ACTR3B: variants seen among roughly 807,000 people sequenced by gnomAD.
ACTR3B encodes the protein actin-related protein 3B.
In ACTR3B, 8 loss-of-function variants were observed where a neutral mutation model predicts 59.0. That is an observed-to-expected ratio of 0.14 (90% CI 0.08 to 0.24). The LOEUF is 0.24. ACTR3B is among the 10% of genes least tolerant of loss of function. The probability of loss-of-function intolerance (pLI) is 1.00; values close to 1 mark genes in which losing one functional copy is unlikely to be tolerated. For missense variants in ACTR3B, 245 were observed against 552.3 expected (o/e 0.44, Z 5.58); for synonymous variants, 148 against 197.9 (o/e 0.75, Z 2.12).
intron 2 of ACTR3B, among the ~76,000 whole-genome samples, chr7:152,798,195 C>G (rs528270304): frequency 7.9e-5 from 12 of 152,080 alleles, no homozygotes; most frequent in Non-Finnish European, 1.5e-4. Context: ...ATCACCAACA[C>G]TTACTATCTT....
chr7:152,769,318 T>G (rs2098118649), intron 1 of ACTR3B, among the ~76,000 whole-genome samples: 1 of 152,244 alleles, frequency 6.6e-6, no homozygotes, highest in South Asian at 2.1e-4. Flanking sequence ...ATAACTTGTC[T>G]CTTCACTAGA....
Position 152,823,328 on chromosome 7 carries a change from G to A in ACTR3B, c.685-14G>A, listed in dbSNP as rs376354812. 453 of 1,611,422 alleles carry A rather than the reference G, an allele frequency of 2.8e-4. No individual in the cohort carries two copies. The African/African-American group carries it at 4.9e-3, about 18-fold the overall frequency. Reference sequence around the variant, plus strand: ...GTTGTTAATGCCTGGCAACATCTTTGTGTGTGTATGCAGGAGAAATACTGT... The same window carrying A: ...GTTGTTAATGCCTGGCAACATCTTTATGTGTGTATGCAGGAGAAATACTGT... On this transcript the variant is annotated splice_polypyrimidine_tract_variant and intron_variant, in intron 7 of 11. Coordinates refer to ENST00000256001, the MANE Select transcript of ACTR3B (RefSeq NM_020445.6).
chr7:152,819,610 G>T (rs2689602), intron 6 of ACTR3B, among the ~76,000 whole-genome samples: 2 of 152,068 alleles, frequency 1.3e-5, no homozygotes, highest in East Asian at 3.9e-4. Context: ...TCGGCCCAGG[G>T]CGTGGTCACC....
At chr7:152,807,881 A>G (rs987126350) in intron 4 of ACTR3B, among the ~76,000 whole-genome samples, 2 of 151,936 alleles carry the variant, frequency 1.3e-5, no homozygotes, top group Admixed American at 1.3e-4. Context: ...TTTTTATTCT[A>G]AAATACACAT....
At chr7:152,806,091 T>C (rs10952373) in intron 4 of ACTR3B, among the ~76,000 whole-genome samples, 67,522 of 152,130 alleles carry the variant, frequency 0.44, 17,619 homozygotes, top group East Asian at 0.72. Context: ...CTTTCTCTTC[T>C]TCTCACTGCT....
At chr7:152,852,709 A>T (rs1798912520) in intron 10 of ACTR3B, among the ~76,000 whole-genome samples, 1 of 152,196 alleles carries the variant, frequency 6.6e-6, no homozygotes. Context: ...TGGGCTTCTA[A>T]CCAAGAGTGG....
intron 1 of ACTR3B, among the ~76,000 whole-genome samples, chr7:152,760,779 TG>T (rs1225906390): frequency 6.6e-6 from 1 of 152,190 alleles, no homozygotes; most frequent in Non-Finnish European, 1.5e-5. Flanking sequence ...CCAAGTTAGC[TG>T]GTTGTAGTAA....
chr7:152,823,589 G>A, intron 8 of ACTR3B, 74 bp downstream of exon 8: 1 of 1,520,060 alleles, frequency 6.6e-7, no homozygotes, highest in Non-Finnish European at 8.9e-7. Context: ...AGAAAGAGCA[G>A]TTCCCAGCGA....
intron 4 of ACTR3B, chr7:152,811,280 C>A (rs1795211870): frequency 1.3e-5 from 2 of 148,246 alleles, no homozygotes; most frequent in Admixed American, 6.8e-5. Context: ...ATCTGTGTAT[C>A]CAGTACTGCT....
intron 9 of ACTR3B, among the ~76,000 whole-genome samples, chr7:152,833,582 G>GTGGCAC (rs2116920166): frequency 6.6e-6 from 1 of 152,308 alleles, no homozygotes; most frequent in East Asian, 1.9e-4. Context: ...TGGCTGATAG[G>GTGGCAC]TGGCACTGTG....
chr7:152,797,462 T>C (rs1212878927), intron 2 of ACTR3B, among the ~76,000 whole-genome samples: 1 of 152,214 alleles, frequency 6.6e-6, no homozygotes, highest in Non-Finnish European at 1.5e-5. Context: ...TTGAAGTATA[T>C]ATACATTGTG....
intron 6 of ACTR3B, among the ~76,000 whole-genome samples, chr7:152,819,090 G>A (rs1436547167): frequency 6.6e-6 from 1 of 152,174 alleles, no homozygotes; most frequent in Non-Finnish European, 1.5e-5. Flanking sequence ...GTATTAGAAA[G>A]CTAATATTAT....
intron 2 of ACTR3B, among the ~76,000 whole-genome samples, chr7:152,784,354 G>A (rs1323999540): frequency 6.6e-6 from 1 of 152,142 alleles, no homozygotes; most frequent in Non-Finnish European, 1.5e-5. Context: ...GTGCTTATTC[G>A]GGGAGGGCTA....
At chr7:152,832,550 CTT>C (rs1182130539) in intron 9 of ACTR3B, among the ~76,000 whole-genome samples, 1 of 152,072 alleles carries the variant, frequency 6.6e-6, no homozygotes, top group African/African-American at 2.4e-5. Flanking sequence ...CTCACGATCT[CTT>C]TTTCTTTTAA....
At chr7:152,764,604 G>A (rs1156414782) in intron 1 of ACTR3B, among the ~76,000 whole-genome samples, 2 of 149,242 alleles carry the variant, frequency 1.3e-5, no homozygotes, top group East Asian at 2.0e-4. Context: ...CTGAGATCGC[G>A]CCACTGCACT....
At chr7:152,848,454 A>G (rs1798535515) in intron 9 of ACTR3B, among the ~76,000 whole-genome samples, 1 of 152,216 alleles carries the variant, frequency 6.6e-6, no homozygotes, top group African/African-American at 2.4e-5. Flanking sequence ...AAGCAAATGA[A>G]AAACAATAGC....
intron 2 of ACTR3B, among the ~76,000 whole-genome samples, chr7:152,784,751 GTCTCA>G (rs1416078842): frequency 6.6e-6 from 1 of 152,082 alleles, no homozygotes; most frequent in East Asian, 1.9e-4. Context: ...TCCTCCCATG[GTCTCA>G]TCTCTGTGTC....
Position 152,820,685 on chromosome 7 carries a change from G to A in ACTR3B, c.684+243G>A, listed in dbSNP as rs376379167. On this transcript the variant is annotated intron_variant, in intron 7 of 11. Transcript: ENST00000256001. ...TTGGTAGCTGGTGCAGCGTACCAGC[G>A]TGCAGAGGCAGCATTGTTCAGCTGG... 2.6e-5 allele frequency among the ~76,000 whole-genome samples: 4 copies of A among 152,356 alleles called. No individual in the cohort carries two copies. The South Asian group carries it at 6.2e-4, about 24-fold the overall frequency.
chr7:152,830,047 A>G (rs1163651882), intron 9 of ACTR3B, among the ~76,000 whole-genome samples: 1 of 152,280 alleles, frequency 6.6e-6, no homozygotes, highest in Non-Finnish European at 1.5e-5. Flanking sequence ...GCTAAATGTC[A>G]TTAAAGTGAA....
Sources: allele counts gnomAD v4.1 joint callset (sites outside exome capture counted in the v4.1 genomes callset), GRCh38; gene constraint gnomAD v4.1.1; transcripts MANE v1.5; gene names NCBI Gene and HGNC (gene_info 2026-07-23, HGNC 2026-07-21).